The following ULK4 variants were observed in gnomAD, a reference collection of about 807,000 sequenced individuals.
The protein encoded by ULK4 is inactive serine/threonine-protein kinase ULK4.
Under a neutral mutation model 160.6 loss-of-function variants are expected in ULK4, and 133 were observed. The observed-to-expected ratio is 0.83, with a 90% CI of 0.72 to 0.96. The LOEUF (loss-of-function observed/expected upper bound fraction) is 0.96. Ranked by LOEUF, ULK4 falls within the 40% of genes least tolerant of loss-of-function variation. ULK4 has a pLI of 0.00. For missense variants in ULK4, 1,580 were observed against 1,499.5 expected, an observed-to-expected ratio of 1.05 and a Z score of -0.89; for synonymous variants, 534 against 539.8, an observed-to-expected ratio of 0.99 and a Z score of 0.15.
intron 35 of ULK4, among the ~76,000 whole-genome samples, chr3:41,275,760 A>G (rs1380703776): frequency 1.3e-5 from 2 of 152,192 alleles, no homozygotes; most frequent in African/African-American, 4.8e-5. Context: ...GAATCTTTCT[A>G]ACATTTCCAG....
Position 41,879,248 on chromosome 3 carries a change from G to C in ULK4, c.1656+4626C>G, listed in dbSNP as rs1420550607. ...GACTACTGCTGAATGTATTGGGTGT[G>C]ATAATGAAATCATGGTTATACATTT... On this transcript the variant is annotated intron_variant, in intron 17 of 36. Coordinates refer to ENST00000301831, the MANE Select transcript of ULK4 (RefSeq NM_017886.4). 4.6e-5 allele frequency among the ~76,000 whole-genome samples: 7 copies of C among 152,086 alleles called. No individual in the cohort carries two copies. The East Asian group carries it at 1.4e-3, about 29-fold the overall frequency.
Position 41,376,152 on chromosome 3 carries a change from T to C in ULK4, c.3678+21927A>G, listed in dbSNP as rs1392905533. On this transcript the variant is annotated intron_variant, in intron 35 of 36. Transcript: ENST00000301831. ...AAAACAACAGATGCTGGAGAGGATG[T>C]GGAGAAATTTACACTGTTGGTGGGA... Among the ~76,000 whole-genome samples, 15 of 150,280 alleles carry C rather than the reference T, an allele frequency of 1.0e-4. 1 individual carries two copies.
At chr3:41,728,660 C>T (rs2037729017) in intron 22 of ULK4, among the ~76,000 whole-genome samples, 1 of 152,058 alleles carries the variant, frequency 6.6e-6, no homozygotes, top group Non-Finnish European at 1.5e-5. Flanking sequence ...AGAGAGGAAA[C>T]TGAGGAAGAG....
chr3:41,882,960 T>C (rs1294004055), intron 17 of ULK4, among the ~76,000 whole-genome samples: 1 of 152,146 alleles, frequency 6.6e-6, no homozygotes, highest in Non-Finnish European at 1.5e-5. Flanking sequence ...TCAGTAATCA[T>C]ATAGGTCACA....
chr3:41,529,890 G>A (rs1217729543), intron 32 of ULK4, among the ~76,000 whole-genome samples: 8 of 152,090 alleles, frequency 5.3e-5, no homozygotes, highest in Admixed American at 2.0e-4. Context: ...ACAAAGACCA[G>A]GTATTGTATG....
chr3:41,373,005 AC>A (rs2081401115), intron 35 of ULK4, among the ~76,000 whole-genome samples: 1 of 152,198 alleles, frequency 6.6e-6, no homozygotes, highest in Non-Finnish European at 1.5e-5. Flanking sequence ...CTCTGATAAA[AC>A]AGCCTTTAAA....
chr3:41,703,503 T>C (rs1356761522), intron 27 of ULK4, among the ~76,000 whole-genome samples: 1 of 152,106 alleles, frequency 6.6e-6, no homozygotes, highest in Non-Finnish European at 1.5e-5. Flanking sequence ...TGTGGGATGA[T>C]GCTAACGCAG....
chr3:41,500,025 TTCTC>T (rs373221370), intron 32 of ULK4, among the ~76,000 whole-genome samples: 8 of 152,130 alleles, frequency 5.3e-5, no homozygotes, highest in African/African-American at 1.7e-4. Flanking sequence ...TCGTATTATT[TTCTC>T]TTTTTCATTC....
chr3:41,799,414 A>G (rs942554740), intron 20 of ULK4, among the ~76,000 whole-genome samples: 1 of 152,194 alleles, frequency 6.6e-6, no homozygotes, highest in Non-Finnish European at 1.5e-5. Context: ...AGATGCTTGA[A>G]CATTAAAATG....
chr3:41,648,276 C>T (rs183061747), intron 30 of ULK4, among the ~76,000 whole-genome samples: 159 of 152,260 alleles, frequency 1.0e-3, no homozygotes, highest in Non-Finnish European at 1.2e-3. Context: ...CAGAAATCAC[C>T]GGTCTTCTGT....
At position 41,800,342 on chromosome 3, in the gene ULK4, T is replaced by C. The variant is rs549332130; in HGVS notation, c.1849-49A>G. 33 of 1,518,892 alleles carry C rather than the reference T, an allele frequency of 2.2e-5. No homozygotes were observed. The East Asian group carries it at 4.6e-4, about 21-fold the overall frequency. The allele number at this position is 1,518,892 out of a possible 1,614,324, so 94.1% of individuals were successfully genotyped here. A position where few individuals can be genotyped will look rare whatever the true frequency, so the allele number is the denominator to read the frequency against. On this transcript the variant is annotated intron_variant, in intron 19 of 36. Transcript: ENST00000301831. ...AATATTAGTGTGAGAAATAAATACA[T>C]GTTATTTCTTTATGACCATTGTAAA... is the stretch of plus-strand genomic sequence containing the variant.
chr3:41,432,745 G>C (rs1000561426), intron 34 of ULK4, among the ~76,000 whole-genome samples: 6 of 152,092 alleles, frequency 3.9e-5, no homozygotes, highest in African/African-American at 1.4e-4. Context: ...AGATACACAG[G>C]TGCCACTCCA....
In ULK4 at chr3:41,635,826, A is replaced by G. The variant is rs558180934; in HGVS notation, c.3072-20109T>C. 3.3e-4 allele frequency among the ~76,000 whole-genome samples: 50 copies of G among 152,362 alleles called. No homozygotes were observed. In the South Asian group the frequency reaches 9.3e-3, roughly 28 times the overall value. On this transcript the variant is annotated intron_variant, in intron 30 of 36. Coordinates refer to ENST00000301831, the MANE Select transcript of ULK4 (RefSeq NM_017886.4). Reference sequence around the variant, plus strand: ...CTTAAGAGCCTGTTAGATATATTATATCAGGATAGAGGGTGGGATAAAAAG... The same window carrying G: ...CTTAAGAGCCTGTTAGATATATTATGTCAGGATAGAGGGTGGGATAAAAAG...
intron 35 of ULK4, among the ~76,000 whole-genome samples, chr3:41,319,043 G>A (rs555052675): frequency 2.0e-5 from 3 of 152,252 alleles, no homozygotes; most frequent in South Asian, 2.1e-4. Context: ...CTGTAAAACA[G>A]GTCTATGAAA....
At chr3:41,716,132 G>C (rs887187398) in intron 23 of ULK4, among the ~76,000 whole-genome samples, 2 of 151,072 alleles carry the variant, frequency 1.3e-5, no homozygotes, top group African/African-American at 4.9e-5. Flanking sequence ...AGAATCACTT[G>C]AATCTGGGAG....
chr3:41,256,032 G>T (rs9849022), intron 35 of ULK4, among the ~76,000 whole-genome samples: 85,047 of 152,000 alleles, frequency 0.56, 24,481 homozygotes, highest in African/African-American at 0.69. Context: ...ATCTCTATGA[G>T]TAAAAACTGT....
At chr3:41,676,520 A>G (rs1465782993) in intron 29 of ULK4, among the ~76,000 whole-genome samples, 1 of 152,302 alleles carries the variant, frequency 6.6e-6, no homozygotes, top group East Asian at 1.9e-4. Flanking sequence ...CCAAAGTTTA[A>G]TAAAGGTGGC....
chr3:41,255,884 T>C (rs911331863), intron 35 of ULK4, among the ~76,000 whole-genome samples: 1 of 152,176 alleles, frequency 6.6e-6, no homozygotes, highest in Admixed American at 6.5e-5. Flanking sequence ...TTCACTTATA[T>C]AAAAAATCAT....
At chr3:41,554,087 T>C (rs1211069658) in intron 32 of ULK4, among the ~76,000 whole-genome samples, 1 of 152,158 alleles carries the variant, frequency 6.6e-6, no homozygotes, top group Non-Finnish European at 1.5e-5. Flanking sequence ...CATGTGAAAT[T>C]TGTCTTCCCA....
Sources: allele counts gnomAD v4.1 joint callset (sites outside exome capture counted in the v4.1 genomes callset), GRCh38; gene constraint gnomAD v4.1.1; transcripts MANE v1.5; gene names NCBI Gene and HGNC (gene_info 2026-07-23, HGNC 2026-07-21).